The following CACHD1 variants were observed in gnomAD, a reference collection of about 807,000 sequenced individuals.
The protein encoded by CACHD1 is cache domain containing 1, also known as VWFA and cache domain-containing protein 1.
Under a neutral mutation model 138.7 loss-of-function variants are expected in CACHD1, and 71 were observed. That is an observed-to-expected ratio of 0.51 (90% CI 0.42 to 0.62). The LOEUF is 0.62. CACHD1 is among the 20% of genes least tolerant of loss of function. The pLI is 0.00. For synonymous variants in CACHD1, 578 were observed against 591.5 expected (o/e 0.98, Z 0.33); for missense variants, 1,389 against 1,625.3 (o/e 0.85, Z 2.50).
chr1:64,492,659 G>GTTAA (rs1437842024), intron 1 of CACHD1, among the ~76,000 whole-genome samples: 3 of 152,042 alleles, frequency 2.0e-5, no homozygotes, highest in Admixed American at 2.0e-4. Context: ...GATCGTTAGA[G>GTTAA]TTAACGTCAG....
chr1:64,552,347 T>A (rs2100457589), intron 2 of CACHD1, among the ~76,000 whole-genome samples: 1 of 152,282 alleles, frequency 6.6e-6, no homozygotes, highest in East Asian at 1.9e-4. Flanking sequence ...TTATTACAGA[T>A]GAGGAAATTG....
chr1:64,614,472 G>A (rs746894369), intron 4 of CACHD1, among the ~76,000 whole-genome samples: 4 of 151,864 alleles, frequency 2.6e-5, no homozygotes, highest in Admixed American at 2.0e-4. Context: ...ACATCTTGTT[G>A]GACATTTGCC....
chr1:64,521,214 G>A (rs924894575), intron 1 of CACHD1, among the ~76,000 whole-genome samples: 11 of 152,140 alleles, frequency 7.2e-5, no homozygotes, highest in African/African-American at 2.7e-4. Context: ...TTCCCTCCTA[G>A]CTGTCATCTG....
intron 16 of CACHD1, among the ~76,000 whole-genome samples, chr1:64,668,411 T>C (rs1649709950): frequency 7.0e-6 from 1 of 142,570 alleles, no homozygotes; most frequent in South Asian, 2.2e-4. Context: ...CCAACTACTC[T>C]GGAGGCTGAG....
chr1:64,685,100 C>T lies in CACHD1; in HGVS notation c.3586+2994C>T, dbSNP rs866157728. Among the ~76,000 whole-genome samples, 17 of 152,298 alleles carry T rather than the reference C, an allele frequency of 1.1e-4. No homozygotes were observed. In the South Asian group the frequency reaches 1.4e-3, roughly 13 times the overall value. On this transcript the variant is annotated intron_variant, in intron 26 of 26. Coordinates refer to ENST00000651257, the MANE Select transcript of CACHD1 (RefSeq NM_020925.4). ...TTGAGATTACAGGCGTGAGCCACTG[C>T]GCCCGGCCACAGGTGTACCATTTTA...
In CACHD1 at chr1:64,546,775, A is replaced by G. The variant is rs370302051; in HGVS notation, c.199-3819A>G. On this transcript the variant is annotated intron_variant, in intron 1 of 26. Coordinates refer to ENST00000651257, the MANE Select transcript of CACHD1 (RefSeq NM_020925.4). ...TTTTGAATTCCTGGCTCTTGCATTA[A>G]AATCAAAAGCTCCCAAAAGCCCCGT... Among the ~76,000 whole-genome samples the G allele has an allele frequency of 1.2e-3, 178 of 152,314 alleles. 1 individual carries two copies. The highest frequency in any genetic ancestry group is 4.2e-3 in the African/African-American group (173 of 41,576).
At chr1:64,579,486 C>T (rs922460655) in intron 2 of CACHD1, among the ~76,000 whole-genome samples, 2 of 152,158 alleles carry the variant, frequency 1.3e-5, no homozygotes, top group Non-Finnish European at 2.9e-5. Flanking sequence ...CTTTTAATTA[C>T]ATCTTATGTT....
Position 64,544,741 on chromosome 1 carries a change from G to T in CACHD1, c.199-5853G>T, listed in dbSNP as rs1646705584. On this transcript the variant is annotated intron_variant, in intron 1 of 26. Transcript: ENST00000651257. ...GTGTTGAACCTGCTCTTTTGGGGAG[G>T]GAGCGGGGAGGCAGTGCTTAGGGAA... is the stretch of plus-strand genomic sequence containing the variant. Among the ~76,000 whole-genome samples, 3 of 152,192 alleles carry T rather than the reference G, an allele frequency of 2.0e-5. No homozygotes were observed. In the South Asian group the frequency reaches 6.2e-4, roughly 32 times the overall value.
chr1:64,686,343 A>C (rs1650370634), intron 26 of CACHD1, among the ~76,000 whole-genome samples: 1 of 152,372 alleles, frequency 6.6e-6, no homozygotes. Flanking sequence ...AATGTTACCA[A>C]ACTAAACTTA....
At chr1:64,683,067 C>G (rs1650244454) in intron 26 of CACHD1, among the ~76,000 whole-genome samples, 1 of 152,050 alleles carries the variant, frequency 6.6e-6, no homozygotes, top group Non-Finnish European at 1.5e-5. Context: ...TTCCCTGTAT[C>G]TACACTAAAA....
At position 64,582,211 on chromosome 1, in the gene CACHD1, A is replaced by G; in HGVS notation, c.317A>G (p.Asn106Ser). The change falls in exon 3 of 27, where the codon AAC (asparagine) becomes AGC (serine). Residue 106 changes from asparagine to serine, a missense_variant. Physicochemically the swap from Asn to Ser is conservative, Grantham distance 46. Transcript: ENST00000651257. ...CGTTACTTGGATGTGGTCAATCGGAACAAGCAAGTTGTAGAAGCATCCTAT... is the reference window on the plus strand; with the variant it reads ...CGTTACTTGGATGTGGTCAATCGGAGCAAGCAAGTTGTAGAAGCATCCTAT... The part of the protein sequence containing the change: ...FNRYLDVVNR[N>S]KQVVEASYTA... 1 of 1,614,084 alleles carries G rather than the reference A, an allele frequency of 6.2e-7. No homozygotes were observed.
intron 26 of CACHD1, among the ~76,000 whole-genome samples, chr1:64,682,728 C>T (rs996451549): frequency 2.0e-5 from 3 of 151,978 alleles, no homozygotes; most frequent in African/African-American, 4.8e-5. Flanking sequence ...TTATGAAATC[C>T]ACCTACTCTG....
chr1:64,689,821 C>T (rs966299819), intron 26 of CACHD1, among the ~76,000 whole-genome samples: 6 of 152,306 alleles, frequency 3.9e-5, no homozygotes, highest in Non-Finnish European at 8.8e-5. Context: ...TTAAGCCCAA[C>T]TAAAATATAC....
intron 1 of CACHD1, among the ~76,000 whole-genome samples, chr1:64,477,856 G>A (rs1365849276): frequency 2.7e-5 from 4 of 148,884 alleles, no homozygotes; most frequent in African/African-American, 7.4e-5. Flanking sequence ...GGATGGTCTC[G>A]ATCTCCTGAC....
At chr1:64,642,193 T>C (rs1219793472) in intron 8 of CACHD1, among the ~76,000 whole-genome samples, 1 of 152,234 alleles carries the variant, frequency 6.6e-6, no homozygotes, top group Non-Finnish European at 1.5e-5. Context: ...AAACCTCTTC[T>C]CCACTTACGT....
intron 5 of CACHD1, among the ~76,000 whole-genome samples, chr1:64,631,859 C>T (rs958675240): frequency 6.6e-6 from 1 of 152,086 alleles, no homozygotes; most frequent in Non-Finnish European, 1.5e-5. Flanking sequence ...TTTAAATGCT[C>T]AGATAAGGGG....
intron 1 of CACHD1, among the ~76,000 whole-genome samples, chr1:64,477,091 A>AGTGTCTC (rs1490599670): frequency 6.6e-6 from 1 of 152,230 alleles, no homozygotes; most frequent in Non-Finnish European, 1.5e-5. Flanking sequence ...TCTGAACTTT[A>AGTGTCTC]GTGTCTTTGT....
intron 1 of CACHD1, among the ~76,000 whole-genome samples, chr1:64,530,932 T>TG (rs777149757): frequency 2.4e-5 from 2 of 82,728 alleles, no homozygotes; most frequent in Admixed American, 3.2e-4. Context: ...TGTTTTTTTT[T>TG]GTTTTTTTTT....
At chr1:64,576,907 G>GTT (rs71056056) in intron 2 of CACHD1, among the ~76,000 whole-genome samples, 6 of 141,098 alleles carry the variant, frequency 4.3e-5, no homozygotes, top group South Asian at 2.3e-4. Context: ...TTGTTTGTTT[G>GTT]TTTTTTTTTT....
Sources: gnomAD v4.1 joint callset for allele counts (sites outside exome capture counted in the v4.1 genomes callset) on GRCh38, gnomAD v4.1.1 for gene constraint, MANE v1.5 for transcripts, NCBI Gene and HGNC (gene_info 2026-07-23, HGNC 2026-07-21) for gene names.